The following RORB variants were observed in gnomAD, a reference collection of about 807,000 sequenced individuals.
RORB encodes RAR related orphan receptor B, also known as nuclear receptor ROR-beta.
In RORB, 6 loss-of-function variants were observed where a neutral mutation model predicts 59.1. The ratio of observed to expected loss-of-function variants is 0.10; its 90% confidence interval spans 0.06 to 0.20. The LOEUF (loss-of-function observed/expected upper bound fraction) is 0.20. RORB is among the 10% of genes least tolerant of loss of function. RORB has a pLI of 1.00. For synonymous variants in RORB, 215 were observed against 204.5 expected, an observed-to-expected ratio of 1.05 and a Z score of -0.44; for missense variants, 320 against 560.5, an observed-to-expected ratio of 0.57 and a Z score of 4.33.
At chr9:74,550,532 G>A (rs1436216157) in intron 1 of RORB, among the ~76,000 whole-genome samples, 1 of 152,190 alleles carries the variant, frequency 6.6e-6, no homozygotes, top group Non-Finnish European at 1.5e-5. Flanking sequence ...TAGAGAAGTA[G>A]TTTTTATTTC....
intron 1 of RORB, among the ~76,000 whole-genome samples, chr9:74,569,556 G>A (rs761389423): frequency 6.6e-6 from 1 of 151,878 alleles, no homozygotes; most frequent in African/African-American, 2.4e-5. Context: ...TTTATAAATC[G>A]ATGTGTTGCA....
chr9:74,507,016 A>C (rs998785354), intron 1 of RORB, among the ~76,000 whole-genome samples: 2 of 152,066 alleles, frequency 1.3e-5, no homozygotes, highest in African/African-American at 4.8e-5. Context: ...AACTTTTACT[A>C]GCCTGATTAA....
chr9:74,651,833 T>C (rs937211781), intron 4 of RORB, among the ~76,000 whole-genome samples: 1 of 152,234 alleles, frequency 6.6e-6, no homozygotes, highest in African/African-American at 2.4e-5. Context: ...TCTTTTACTG[T>C]AAAACTTCAC....
At chr9:74,549,746 G>A (rs1453470317) in intron 1 of RORB, among the ~76,000 whole-genome samples, 1 of 151,910 alleles carries the variant, frequency 6.6e-6, no homozygotes, top group Non-Finnish European at 1.5e-5. Context: ...GTGTGTGTTT[G>A]AGACGGAATT....
chr9:74,523,997 C>T (rs961723661), intron 1 of RORB, among the ~76,000 whole-genome samples: 4 of 127,326 alleles, frequency 3.1e-5, no homozygotes, highest in East Asian at 2.3e-4. Flanking sequence ...ACTGAATCAA[C>T]GACACCTTTT....
At chr9:74,595,906 G>T (rs902584726) in intron 1 of RORB, among the ~76,000 whole-genome samples, 1 of 152,060 alleles carries the variant, frequency 6.6e-6, no homozygotes, top group Non-Finnish European at 1.5e-5. Flanking sequence ...AGAACTGTGC[G>T]GTCCCTCTGT....
intron 3 of RORB, among the ~76,000 whole-genome samples, chr9:74,637,023 C>A (rs1563960244): frequency 1.3e-5 from 2 of 152,108 alleles, no homozygotes; most frequent in South Asian, 2.1e-4. Context: ...TGGTTGATTA[C>A]CTATGTCTAG....
At chr9:74,540,142 A>G (rs956877926) in intron 1 of RORB, among the ~76,000 whole-genome samples, 3 of 152,116 alleles carry the variant, frequency 2.0e-5, no homozygotes, top group African/African-American at 7.2e-5. Flanking sequence ...AAAGCTGTAT[A>G]CTTTTTTAAA....
chr9:74,679,618 AT>A (rs1425235792), intron 9 of RORB, among the ~76,000 whole-genome samples: 2 of 152,198 alleles, frequency 1.3e-5, no homozygotes, highest in African/African-American at 4.8e-5. Context: ...ACAATTGTGA[AT>A]AACACATGGC....
chr9:74,591,568 A>G (rs1175271840), intron 1 of RORB, among the ~76,000 whole-genome samples: 2 of 152,242 alleles, frequency 1.3e-5, no homozygotes, highest in African/African-American at 4.8e-5. Flanking sequence ...CATAGATCAT[A>G]AAATCCTGGA....
intron 1 of RORB, among the ~76,000 whole-genome samples, chr9:74,512,880 T>C (rs1458061118): frequency 3.3e-5 from 5 of 152,160 alleles, no homozygotes; most frequent in East Asian, 1.9e-4. Flanking sequence ...ATTATGTGCA[T>C]GGTTCCCAAC....
chr9:74,588,697 C>T (rs922674120), intron 1 of RORB, among the ~76,000 whole-genome samples: 1 of 152,110 alleles, frequency 6.6e-6, no homozygotes, highest in African/African-American at 2.4e-5. Context: ...GCCATTAGTA[C>T]ATGAAATAGT....
chr9:74,561,264 GT>G (rs1310529738), intron 1 of RORB, among the ~76,000 whole-genome samples: 1 of 152,016 alleles, frequency 6.6e-6, no homozygotes, highest in Non-Finnish European at 1.5e-5. Flanking sequence ...TGTTTCTCTG[GT>G]TCTTGTTCTA....
intron 4 of RORB, among the ~76,000 whole-genome samples, chr9:74,656,473 C>T (rs11144040): frequency 0.055 from 8,364 of 152,286 alleles, 295 homozygotes; most frequent in Non-Finnish European, 0.08. Flanking sequence ...TGGTGGCTCA[C>T]GCCTGTAATC....
intron 1 of RORB, among the ~76,000 whole-genome samples, chr9:74,582,775 C>T (rs1822743239): frequency 1.3e-5 from 2 of 152,140 alleles, no homozygotes; most frequent in Admixed American, 6.6e-5. Flanking sequence ...TGTCTATTAT[C>T]TACCCAAGCC....
intron 4 of RORB, among the ~76,000 whole-genome samples, chr9:74,656,429 G>A (rs570708017): frequency 2.6e-5 from 4 of 152,182 alleles, no homozygotes; most frequent in Admixed American, 2.6e-4. Context: ...CATGACTAAA[G>A]TCACCTTTCT....
At chr9:74,548,501 G>C (rs184471267) in intron 1 of RORB, among the ~76,000 whole-genome samples, 2 of 152,124 alleles carry the variant, frequency 1.3e-5, no homozygotes, top group Non-Finnish European at 2.9e-5. Flanking sequence ...ACTACTTCTT[G>C]TCCAGATTAA....
At chr9:74,531,164 A>G (rs1159569751) in intron 1 of RORB, among the ~76,000 whole-genome samples, 3 of 152,018 alleles carry the variant, frequency 2.0e-5, no homozygotes, top group Non-Finnish European at 2.9e-5. Context: ...AATAGTTATC[A>G]GTCAGCATGA....
intron 9 of RORB, 76 bp downstream of exon 9, chr9:74,671,977 G>A (rs2118546694): frequency 1.9e-5 from 14 of 754,912 alleles, no homozygotes; most frequent in South Asian, 5.9e-5. Flanking sequence ...ATAAATCAAG[G>A]GAAATTTCTC....
Sources: gnomAD v4.1 joint callset for allele counts (sites outside exome capture counted in the v4.1 genomes callset) on GRCh38, gnomAD v4.1.1 for gene constraint, MANE v1.5 for transcripts, NCBI Gene and HGNC (gene_info 2026-07-23, HGNC 2026-07-21) for gene names.